The following STXBP5 variants were observed in gnomAD, a reference collection of about 807,000 sequenced individuals.
STXBP5 encodes syntaxin-binding protein 5.
In STXBP5, 50 loss-of-function variants were observed where a neutral mutation model predicts 152.4. The ratio of observed to expected loss-of-function variants is 0.33; its 90% CI spans 0.26 to 0.42. The LOEUF (loss-of-function observed/expected upper bound fraction) is 0.42. STXBP5 is among the 10% of genes least tolerant of loss of function. The pLI, the probability that STXBP5 is intolerant of heterozygous loss-of-function variation, is 1.00. For missense variants in STXBP5, 1,167 were observed against 1,388.6 expected, an observed-to-expected ratio of 0.84 and a Z score of 2.54; for synonymous variants, 492 against 494.7, an observed-to-expected ratio of 0.99 and a Z score of 0.07.
chr6:147,376,908 A>G (rs1293008715), intron 26 of STXBP5, among the ~76,000 whole-genome samples: 1 of 152,202 alleles, frequency 6.6e-6, no homozygotes, highest in South Asian at 2.1e-4. Flanking sequence ...ATTTAAAAAG[A>G]TGGAAAAGCA....
At chr6:147,368,580 T>G (rs2128416539) in intron 25 of STXBP5, among the ~76,000 whole-genome samples, 1 of 152,294 alleles carries the variant, frequency 6.6e-6, no homozygotes, top group East Asian at 1.9e-4. Context: ...GAATGTTCAC[T>G]CTCACCACTT....
chr6:147,281,608 T>C (rs1780704756), intron 8 of STXBP5, among the ~76,000 whole-genome samples: 3 of 152,244 alleles, frequency 2.0e-5, no homozygotes, highest in African/African-American at 7.2e-5. Flanking sequence ...AGTACTTTTT[T>C]ACTTTTTCTT....
chr6:147,263,470 G>A (rs547243723), intron 6 of STXBP5, among the ~76,000 whole-genome samples: 38 of 151,052 alleles, frequency 2.5e-4, no homozygotes, highest in African/African-American at 6.1e-4. Context: ...GGGATTATAA[G>A]CACAAGCCAC....
At position 147,359,328 on chromosome 6, in the gene STXBP5, GTAT is replaced by G; in HGVS notation, c.2545+7_2545+9del. The G allele has an allele frequency of 6.2e-7, 1 of 1,609,060 alleles. No individual in the cohort carries two copies. The highest frequency in any genetic ancestry group is 8.5e-7 in the Non-Finnish European group (1 of 1,175,974). On this transcript the variant is annotated splice_donor_region_variant and intron_variant, in intron 23 of 27. Transcript: ENST00000321680. ...CAGTAATTGTGTCTCCAAGTGGTAT[GTAT>G]TGCTGCTGCACTTAGAGTTACATTA... is the stretch of plus-strand genomic sequence containing the variant.
rs1194664915 is a variant in STXBP5, at chr6:147,359,101, T to A, written c.2323T>A (p.Phe775Ile). Reference protein sequence around the residue: ...KPDLDVKDNSFSRSRSSSVTS... With the variant: ...KPDLDVKDNSISRSRSSSVTS... ...CATTTCAGATGTAAAGGATAACTCCTTTAGCCGATCACGGAGTTCAAGTGT... is the reference window on the plus strand; with the variant it reads ...CATTTCAGATGTAAAGGATAACTCCATTAGCCGATCACGGAGTTCAAGTGT... Residue 775 changes from phenylalanine to isoleucine, a missense_variant, in exon 23 of 28, where the codon TTT (phenylalanine) becomes ATT (isoleucine). By Grantham distance (21) the Phe-to-Ile change is conservative. This residue lies in a region of STXBP5 where 833 missense variants were observed against 986.3 expected (regional missense o/e 0.84). Coordinates refer to ENST00000321680, the MANE Select transcript of STXBP5 (RefSeq NM_001127715.4). 5 of 1,613,800 alleles carry A rather than the reference T, an allele frequency of 3.1e-6. No homozygotes were observed. Among genetic ancestry groups the A allele is most frequent in the Non-Finnish European group, 4.2e-6 (5 of 1,179,870 alleles).
chr6:147,264,005 C>T (rs1779766510), intron 6 of STXBP5, among the ~76,000 whole-genome samples: 1 of 151,622 alleles, frequency 6.6e-6, no homozygotes, highest in South Asian at 2.1e-4. Flanking sequence ...AAAATACCAA[C>T]TGCTCAATAT....
intron 8 of STXBP5, among the ~76,000 whole-genome samples, chr6:147,281,645 A>G (rs1269383961): frequency 2.6e-5 from 4 of 152,192 alleles, no homozygotes; most frequent in Admixed American, 6.5e-5. Flanking sequence ...TGGTTGTTCA[A>G]GTATCTTAGT....
intron 16 of STXBP5, among the ~76,000 whole-genome samples, chr6:147,318,580 A>T (rs1782758936): frequency 6.6e-6 from 1 of 152,180 alleles, no homozygotes; most frequent in South Asian, 2.1e-4. Context: ...ATGGAATGTT[A>T]TGGCACACTA....
At chr6:147,335,761 A>G (rs997675630) in intron 19 of STXBP5, among the ~76,000 whole-genome samples, 10 of 152,136 alleles carry the variant, frequency 6.6e-5, no homozygotes, top group African/African-American at 2.4e-4. Context: ...AGATCGCGCC[A>G]CTGCACTCCA....
At chr6:147,338,812 C>G (rs1217272842) in intron 19 of STXBP5, among the ~76,000 whole-genome samples, 2 of 151,554 alleles carry the variant, frequency 1.3e-5, no homozygotes, top group Non-Finnish European at 3.0e-5. Context: ...CTTGGTTCTG[C>G]TAGAGAAACC....
rs1786416633 is a variant in STXBP5 at position 147,387,865 on chromosome 6, A to C, written c.*3110A>C. ...TCATGTAGATATGTGAGTGTTTTAA[A>C]CAAGTCTGAAAGTGTTACATACTTT... On this transcript the variant is annotated 3_prime_UTR_variant, in exon 28 of 28. Coordinates refer to ENST00000321680, the MANE Select transcript of STXBP5 (RefSeq NM_001127715.4). 3 of 151,694 alleles carry C rather than the reference A, an allele frequency of 2.0e-5. No individual in the cohort carries two copies. The allele number at this position is 151,694 out of a possible 1,614,324, so 9.4% of individuals were successfully genotyped here.
intron 2 of STXBP5, among the ~76,000 whole-genome samples, chr6:147,209,827 A>G (rs1243267189): frequency 6.6e-6 from 1 of 152,182 alleles, no homozygotes; most frequent in Non-Finnish European, 1.5e-5. Context: ...ATTCTAGGCA[A>G]GGAAAACAGT....
chr6:147,299,514 A>G (rs1356446947), intron 9 of STXBP5, among the ~76,000 whole-genome samples: 2 of 152,052 alleles, frequency 1.3e-5, no homozygotes, highest in African/African-American at 4.8e-5. Flanking sequence ...CGAAACCAGC[A>G]TTATTCTCTT....
intron 8 of STXBP5, among the ~76,000 whole-genome samples, chr6:147,278,734 G>A (rs1255574402): frequency 6.6e-6 from 1 of 152,086 alleles, no homozygotes; most frequent in Admixed American, 6.6e-5. Context: ...ACAACAAAAA[G>A]GCATAAAGCA....
At chr6:147,212,574 T>A (rs538753348) in intron 2 of STXBP5, among the ~76,000 whole-genome samples, 21 of 152,326 alleles carry the variant, frequency 1.4e-4, no homozygotes, top group Admixed American at 4.6e-4. Context: ...TTAGAATTTC[T>A]TTTTCTGTGG....
chr6:147,325,159 G>A, intron 17 of STXBP5, 75 bp downstream of exon 17: 2 of 1,296,592 alleles, frequency 1.5e-6, no homozygotes, highest in Non-Finnish European at 2.0e-6. Context: ...AAAATAGAAA[G>A]GATGGTCTTT....
At chr6:147,302,432 G>T (rs1161520302) in intron 9 of STXBP5, among the ~76,000 whole-genome samples, 1 of 152,076 alleles carries the variant, frequency 6.6e-6, no homozygotes, top group East Asian at 1.9e-4. Flanking sequence ...CAGAAGGAAG[G>T]CCAGGAGATA....
At chr6:147,225,009 T>C (rs940067307) in intron 2 of STXBP5, among the ~76,000 whole-genome samples, 1 of 152,202 alleles carries the variant, frequency 6.6e-6, no homozygotes, top group African/African-American at 2.4e-5. Context: ...AGTAGCAACA[T>C]TTTGAAGGCA....
intron 2 of STXBP5, among the ~76,000 whole-genome samples, chr6:147,210,189 A>G (rs1356910642): frequency 2.0e-5 from 3 of 152,198 alleles, no homozygotes; most frequent in Non-Finnish European, 4.4e-5. Flanking sequence ...ATAAAATCTT[A>G]GGGAGTAACT....
Sources: allele counts gnomAD v4.1 joint callset (sites outside exome capture counted in the v4.1 genomes callset), GRCh38; gene constraint gnomAD v4.1.1; regional missense constraint gnomAD v4.1.1; transcripts MANE v1.5; gene names NCBI Gene and HGNC (gene_info 2026-07-23, HGNC 2026-07-21).